Variants in DPP10 observed in about 807,000 individuals in gnomAD.
DPP10 encodes the protein dipeptidyl peptidase like 10.
In DPP10, 33 loss-of-function variants were observed where a neutral mutation model predicts 120.9. That is an observed-to-expected ratio of 0.27 (90% CI 0.21 to 0.37). The LOEUF (loss-of-function observed/expected upper bound fraction) is 0.37. Among genes scored for constraint, DPP10 ranks in the 10% least tolerant of loss-of-function variants. DPP10 has a pLI of 1.00. For synonymous variants in DPP10, 337 were observed against 326.1 expected, an observed-to-expected ratio of 1.03 and a Z score of -0.36; for missense variants, 816 against 942.8, an observed-to-expected ratio of 0.87 and a Z score of 1.76.
chr2:114,467,668 T>C (rs1332003528), intron 1 of DPP10, among the ~76,000 whole-genome samples: 2 of 152,242 alleles, frequency 1.3e-5, no homozygotes, highest in African/African-American at 4.8e-5. Flanking sequence ...ATTTTAATTC[T>C]GAATCTTTCT....
chr2:115,734,547 T>C (rs548417556), intron 8 of DPP10, among the ~76,000 whole-genome samples: 1 of 151,024 alleles, frequency 6.6e-6, no homozygotes, highest in Non-Finnish European at 1.5e-5. Context: ...TCCCAGCTAC[T>C]TGAGAGGCTG....
intron 1 of DPP10, among the ~76,000 whole-genome samples, chr2:114,549,423 G>T (rs1465704174): frequency 1.4e-4 from 22 of 152,212 alleles, no homozygotes; most frequent in Non-Finnish European, 4.4e-5. Context: ...AGCATTTTGG[G>T]ATGCCAAGGT....
intron 1 of DPP10, among the ~76,000 whole-genome samples, chr2:114,823,124 A>G (rs1341589910): frequency 6.6e-6 from 1 of 152,156 alleles, no homozygotes; most frequent in Non-Finnish European, 1.5e-5. Flanking sequence ...GCTAATAAAG[A>G]CATACCCAAG....
chr2:115,331,550 G>A (rs956849688), intron 2 of DPP10, among the ~76,000 whole-genome samples: 2 of 152,116 alleles, frequency 1.3e-5, no homozygotes, highest in Non-Finnish European at 2.9e-5. Context: ...TATGATATTG[G>A]CTGTGGGTTT....
intron 5 of DPP10, among the ~76,000 whole-genome samples, chr2:115,688,034 A>AAGAGAGAG (rs70941088): frequency 0.048 from 7,155 of 150,266 alleles, 554 homozygotes; most frequent in African/African-American, 0.16. Context: ...GAGAGAGAAA[A>AAGAGAGAG]AGAGAGAGAG....
At chr2:114,799,821 A>G (rs2106274651) in intron 1 of DPP10, among the ~76,000 whole-genome samples, 1 of 152,340 alleles carries the variant, frequency 6.6e-6, no homozygotes, top group Non-Finnish European at 1.5e-5. Flanking sequence ...GGGAAGGAAG[A>G]GGAGTGAATG....
At chr2:114,727,903 A>ATT (rs1676497251) in intron 1 of DPP10, among the ~76,000 whole-genome samples, 1 of 152,206 alleles carries the variant, frequency 6.6e-6, no homozygotes, top group Non-Finnish European at 1.5e-5. Flanking sequence ...ACATCACTTA[A>ATT]AAACCCTCAT....
At chr2:115,238,669 T>C (rs1194975530) in intron 1 of DPP10, among the ~76,000 whole-genome samples, 1 of 152,052 alleles carries the variant, frequency 6.6e-6, no homozygotes, top group Non-Finnish European at 1.5e-5. Flanking sequence ...TGGATAAGGA[T>C]TTACTTCTTA....
intron 21 of DPP10, among the ~76,000 whole-genome samples, chr2:115,831,100 G>A (rs1575929015): frequency 6.6e-6 from 1 of 152,222 alleles, no homozygotes; most frequent in Middle Eastern, 3.4e-3. Flanking sequence ...CGAATTAATA[G>A]TTTTAATGCA....
At chr2:114,552,553 C>T (rs183196417) in intron 1 of DPP10, among the ~76,000 whole-genome samples, 55 of 148,240 alleles carry the variant, frequency 3.7e-4, no homozygotes, top group Middle Eastern at 3.4e-3. Flanking sequence ...TTCTCTTTTT[C>T]TTTTTTTTTT....
At chr2:115,397,857 C>T (rs1051674890) in intron 3 of DPP10, among the ~76,000 whole-genome samples, 4 of 152,084 alleles carry the variant, frequency 2.6e-5, no homozygotes, top group African/African-American at 4.8e-5. Context: ...AAGTATGTCC[C>T]GGTGTATGTA....
intron 1 of DPP10, among the ~76,000 whole-genome samples, chr2:114,881,598 GTCTATCTATCTATCTA>G (rs58501993): frequency 3.0e-4 from 43 of 141,182 alleles, no homozygotes; most frequent in Non-Finnish European, 5.0e-4. Flanking sequence ...CTGTCTGTCT[GTCTATCTATCTATCTA>G]TCTATCTATC....
Position 114,728,815 on chromosome 2 carries a change from T to G in DPP10, c.60+285977T>G, listed in dbSNP as rs747084778. Among the ~76,000 whole-genome samples, 23 of 152,078 alleles carry G rather than the reference T, an allele frequency of 1.5e-4. 1 individual carries two copies. Among genetic ancestry groups the G allele is most frequent in the South Asian group, 1.2e-3 (6 of 4,828 alleles). Reference sequence around the variant, plus strand: ...TTATATAAAATTACACGTATGGGGGTGGTGCTTGAGGCAAAATCTGTTAGG... The same window carrying G: ...TTATATAAAATTACACGTATGGGGGGGGTGCTTGAGGCAAAATCTGTTAGG... On this transcript the variant is annotated intron_variant, in intron 1 of 25. Transcript: ENST00000410059.
intron 1 of DPP10, among the ~76,000 whole-genome samples, chr2:115,284,193 A>G (rs1362410998): frequency 6.6e-6 from 1 of 151,738 alleles, no homozygotes; most frequent in Non-Finnish European, 1.5e-5. Context: ...ACTGAAAAAA[A>G]CACAGTGTAG....
chr2:115,529,724 C>T (rs1198570455), intron 5 of DPP10, among the ~76,000 whole-genome samples: 1 of 152,068 alleles, frequency 6.6e-6, no homozygotes, highest in Non-Finnish European at 1.5e-5. Flanking sequence ...TTGTCCAAGT[C>T]AGTTGATTTC....
chr2:114,528,990 C>T (rs1685735204), intron 1 of DPP10, among the ~76,000 whole-genome samples: 1 of 152,056 alleles, frequency 6.6e-6, no homozygotes, highest in Non-Finnish European at 1.5e-5. Flanking sequence ...TCTGCCTTGA[C>T]CTTGACTTAT....
In DPP10 at chr2:115,208,174, T is replaced by C. The variant is rs564886612; in HGVS notation, c.61-101065T>C. Among the ~76,000 whole-genome samples the C allele has an allele frequency of 1.2e-4, 18 of 151,880 alleles. No individual in the cohort carries two copies. In the South Asian group the frequency reaches 3.1e-3, roughly 26 times the overall value. On this transcript the variant is annotated intron_variant, in intron 1 of 25. Transcript: ENST00000410059. Reference sequence around the variant, plus strand: ...ACAATCCACATCTCTAAGGATACTTTGCTTTACATTATTTCTCTTTTTTTT... The same window carrying C: ...ACAATCCACATCTCTAAGGATACTTCGCTTTACATTATTTCTCTTTTTTTT...
chr2:115,761,546 G>A (rs926123683), intron 11 of DPP10, among the ~76,000 whole-genome samples: 1 of 152,078 alleles, frequency 6.6e-6, no homozygotes, highest in African/African-American at 2.4e-5. Context: ...CCAAAACTTG[G>A]TGGTACTAAC....
chr2:114,711,512 T>A (rs1295241032), intron 1 of DPP10, among the ~76,000 whole-genome samples: 4 of 152,178 alleles, frequency 2.6e-5, no homozygotes, highest in African/African-American at 9.7e-5. Context: ...GTTCCTCATC[T>A]TTAAACTGGG....
Sources: allele counts gnomAD v4.1 joint callset (sites outside exome capture counted in the v4.1 genomes callset), GRCh38; gene constraint gnomAD v4.1.1; transcripts MANE v1.5; gene names NCBI Gene and HGNC (gene_info 2026-07-23, HGNC 2026-07-21).